VPS13D: variants seen among roughly 807,000 people sequenced by gnomAD.
The protein encoded by VPS13D is vacuolar protein sorting 13 homolog D.
In VPS13D, 187 loss-of-function variants were observed where a neutral mutation model predicts 461.9. The ratio of observed to expected loss-of-function variants is 0.40; its 90% confidence interval spans 0.36 to 0.46. The LOEUF (loss-of-function observed/expected upper bound fraction) is 0.46. VPS13D is among the 20% of genes least tolerant of loss of function. The probability of loss-of-function intolerance (pLI) is 0.60; values close to 1 mark genes in which losing one functional copy is unlikely to be tolerated. For synonymous variants in VPS13D, 1,951 were observed against 1,986.3 expected (o/e 0.98, Z 0.47); for missense variants, 4,711 against 5,364.9 (o/e 0.88, Z 3.81).
At chr1:12,287,529 C>T (rs1319524148) in intron 21 of VPS13D, among the ~76,000 whole-genome samples, 1 of 152,182 alleles carries the variant, frequency 6.6e-6, no homozygotes, top group African/African-American at 2.4e-5. Flanking sequence ...TTTCCTCACT[C>T]CTTCCTTCTC....
chr1:12,299,375 A>G lies in VPS13D; in HGVS notation c.6207A>G (p.Leu2069=), dbSNP rs1451456150. 1.9e-6 allele frequency: 3 copies of G among 1,610,918 alleles called. No individual in the cohort carries two copies. Among genetic ancestry groups the G allele is most frequent in the South Asian group, 1.1e-5 (1 of 90,510 alleles). The stretch of plus-strand genomic sequence containing the variant: ...CTGGTTTTCCTGGCACCTTTTCCCT[A>G]CAAGATAAGGTGAGCAATCAGTATC... ...LFAGFPGTFS[L]QDKESVPSAS... is the part of the protein sequence containing the mutation. Residue 2069 remains leucine, a synonymous_variant, in exon 25 of 70, where the codon CTA becomes CTG. Coordinates refer to ENST00000620676, the MANE Select transcript of VPS13D (RefSeq NM_015378.4). The surrounding 1 kb of genome is among the most constrained non-coding windows in gnomAD (Gnocchi z 4.2).
chr1:12,411,313 CAGAG>C (rs1243310989), intron 63 of VPS13D, among the ~76,000 whole-genome samples: 1 of 151,998 alleles, frequency 6.6e-6, no homozygotes, highest in Non-Finnish European at 1.5e-5. Context: ...GCAATAATAA[CAGAG>C]AAAAGAAAAA....
In VPS13D at chr1:12,282,699, A is replaced by G. The variant is rs1367854897; in HGVS notation, c.4603-6A>G. On this transcript the variant is annotated splice_polypyrimidine_tract_variant and splice_region_variant and intron_variant, in intron 20 of 69. Transcript: ENST00000620676. ...GAGTAACTGAATTTTTCTCTTTTCAATACAGGTGGTGTTAGCAAAGCATGT... is the reference window on the plus strand; with the variant it reads ...GAGTAACTGAATTTTTCTCTTTTCAGTACAGGTGGTGTTAGCAAAGCATGT... 2 of 1,593,516 alleles carry G rather than the reference A, an allele frequency of 1.3e-6. No individual in the cohort carries two copies. The highest frequency in any genetic ancestry group is 1.7e-6 in the Non-Finnish European group (2 of 1,166,010).
Position 12,271,009 on chromosome 1 carries a change from C to T in VPS13D, c.1988C>T (p.Ser663Phe), listed in dbSNP as rs758757223. 6 of 1,613,674 alleles carry T rather than the reference C, an allele frequency of 3.7e-6. No homozygotes were observed. The highest frequency in any genetic ancestry group is 1.3e-5 in the African/African-American group (1 of 74,874). Reference protein sequence around the residue: ...KVHTSGFGYQSELELRVAEAA... With the variant: ...KVHTSGFGYQFELELRVAEAA... ...AACCTTGCAGGTTTTGGTTATCAGTCTGAACTTGAGCTGAGAGTGGCTGAA... is the reference window on the plus strand; with the variant it reads ...AACCTTGCAGGTTTTGGTTATCAGTTTGAACTTGAGCTGAGAGTGGCTGAA... The change falls in exon 17 of 70, where the codon TCT becomes TTT. Residue 663 changes from serine to phenylalanine, a missense_variant. This residue lies in a region of VPS13D where 4,411 missense variants were observed against 4,937.8 expected (regional missense o/e 0.89). Transcript: ENST00000620676.
chr1:12,255,419 CAG>C (rs777850340), intron 7 of VPS13D, among the ~76,000 whole-genome samples: 4 of 151,950 alleles, frequency 2.6e-5, no homozygotes, highest in Admixed American at 6.6e-5. Flanking sequence ...TTTAAGAAAA[CAG>C]AAAATTACAG....
intron 46 of VPS13D, among the ~76,000 whole-genome samples, chr1:12,351,079 A>G (rs994398799): frequency 2.6e-5 from 4 of 152,236 alleles, no homozygotes; most frequent in Admixed American, 2.0e-4. Context: ...CTATAGGCCC[A>G]TATAACATTA....
At chr1:12,451,367 T>C (rs1020172634) in intron 65 of VPS13D, among the ~76,000 whole-genome samples, 1 of 152,220 alleles carries the variant, frequency 6.6e-6, no homozygotes, top group Non-Finnish European at 1.5e-5. Flanking sequence ...TTATAGAAGT[T>C]AATGACTTTG....
chr1:12,303,909 C>T (rs1642491269), intron 25 of VPS13D, among the ~76,000 whole-genome samples: 1 of 152,202 alleles, frequency 6.6e-6, no homozygotes, highest in Non-Finnish European at 1.5e-5. Flanking sequence ...GTAGTATTTT[C>T]AATAGAATTA....
At chr1:12,269,500 C>T (rs1468432154) in intron 16 of VPS13D, among the ~76,000 whole-genome samples, 2 of 152,170 alleles carry the variant, frequency 1.3e-5, no homozygotes, top group Non-Finnish European at 2.9e-5. Flanking sequence ...GTTTCCTTGG[C>T]TACCCAGGAT....
chr1:12,244,214 G>T, intron 3 of VPS13D, 32 bp from the exon 4 acceptor site: 1 of 1,585,580 alleles, frequency 6.3e-7, no homozygotes, highest in Non-Finnish European at 8.6e-7. Context: ...AATGTGTACA[G>T]ATGGTGAACA....
At chr1:12,357,377 G>T (rs1463452972) in intron 49 of VPS13D, among the ~76,000 whole-genome samples, 1 of 152,192 alleles carries the variant, frequency 6.6e-6, no homozygotes, top group Non-Finnish European at 1.5e-5. Context: ...CTCTTGGCAT[G>T]TGCAGCCAGC....
intron 67 of VPS13D, among the ~76,000 whole-genome samples, chr1:12,487,759 C>T (rs189523995): frequency 3.9e-4 from 59 of 152,210 alleles, no homozygotes; most frequent in Non-Finnish European, 5.3e-4. Context: ...TTAGGACACA[C>T]GCCTCCCCCA....
intron 50 of VPS13D, among the ~76,000 whole-genome samples, chr1:12,361,030 A>G (rs1214582095): frequency 6.6e-6 from 1 of 152,162 alleles, no homozygotes; most frequent in Non-Finnish European, 1.5e-5. Flanking sequence ...CCTGGACTTG[A>G]ATCCCAGTTA....
intron 31 of VPS13D, 124 bp downstream of exon 31, chr1:12,318,461 T>A: frequency 4.8e-6 from 6 of 1,249,244 alleles, no homozygotes; most frequent in Non-Finnish European, 6.6e-6. Context: ...TTTGCCTCTT[T>A]TACAGACCTG....
At chr1:12,257,602 A>G (rs1476243) in intron 9 of VPS13D, among the ~76,000 whole-genome samples, 2 of 152,228 alleles carry the variant, frequency 1.3e-5, no homozygotes, top group African/African-American at 4.8e-5. Flanking sequence ...AATCTTTAGT[A>G]GTCAAATCCT....
chr1:12,378,642 C>A, intron 56 of VPS13D, 51 bp downstream of exon 56: 3 of 1,441,256 alleles, frequency 2.1e-6, no homozygotes, highest in Non-Finnish European at 2.8e-6. Context: ...CAAATTCAGA[C>A]TCAGAGGAAA....
At position 12,260,766 on chromosome 1, in the gene VPS13D, G is replaced by A. The variant is rs750321685; in HGVS notation, c.1184G>A (p.Arg395Gln). ...ATTTTGCGTGAACTGGTTCATGATC[G>A]ATTTCACAAACAGGAAGAACTAGCA... ...LKILRELVHD[R>Q]FHKQEELAES... Residue 395 changes from arginine to glutamine, a missense_variant, in exon 11 of 70, where the codon CGA (arginine) becomes CAA (glutamine). Around this residue, in one of 3 missense-constraint regions of VPS13D, gnomAD observed 4,411 missense variants for 4,937.8 expected, o/e 0.89. Coordinates refer to ENST00000620676, the MANE Select transcript of VPS13D (RefSeq NM_015378.4). 2 of 1,614,128 alleles carry A rather than the reference G, an allele frequency of 1.2e-6. No homozygotes were observed. The highest frequency in any genetic ancestry group is 1.7e-5 in the Admixed American group (1 of 60,006).
chr1:12,315,481 A>G (rs1455514816), intron 30 of VPS13D, among the ~76,000 whole-genome samples: 1 of 152,340 alleles, frequency 6.6e-6, no homozygotes, highest in Non-Finnish European at 1.5e-5. Flanking sequence ...GGGCCCTGCC[A>G]TGAGCCAGGC....
chr1:12,508,183 A>T (rs1446174440), intron 69 of VPS13D, among the ~76,000 whole-genome samples: 2 of 152,150 alleles, frequency 1.3e-5, no homozygotes, highest in Non-Finnish European at 2.9e-5. Flanking sequence ...AGCCTCGCCC[A>T]CTATACTTCT....
Sources: gnomAD v4.1 joint callset for allele counts (sites outside exome capture counted in the v4.1 genomes callset) on GRCh38, gnomAD v4.1.1 for gene constraint, gnomAD v4.1.1 regional missense constraint, Gnocchi (gnomAD v3.1) non-coding constraint, MANE v1.5 for transcripts, NCBI Gene and HGNC (gene_info 2026-07-23, HGNC 2026-07-21) for gene names.